Variants in ARHGAP24 observed in about 807,000 individuals in gnomAD.
ARHGAP24 encodes Rho GTPase activating protein 24.
A neutral mutation model predicts 76.4 loss-of-function variants in ARHGAP24; 50 were observed. That is an observed-to-expected ratio of 0.65 (90% CI 0.52 to 0.83). The LOEUF (loss-of-function observed/expected upper bound fraction) is 0.83, where lower values mean the gene tolerates loss of function less well. Among genes scored for constraint, ARHGAP24 ranks in the 40% least tolerant of loss-of-function variants. The pLI is 0.00. For missense variants in ARHGAP24, 930 were observed against 914.2 expected (o/e 1.02, Z -0.22); for synonymous variants, 345 against 323.3 (o/e 1.07, Z -0.72).
At chr4:85,667,018 C>G (rs1405721173) in intron 2 of ARHGAP24, among the ~76,000 whole-genome samples, 8 of 152,154 alleles carry the variant, frequency 5.3e-5, no homozygotes, top group Admixed American at 2.0e-4. Context: ...AACCACTGCT[C>G]TCTTCAAAGC....
intron 3 of ARHGAP24, among the ~76,000 whole-genome samples, chr4:85,775,528 G>A (rs1022247219): frequency 7.2e-5 from 11 of 152,168 alleles, no homozygotes; most frequent in Non-Finnish European, 1.6e-4. Context: ...AAAACCATCA[G>A]ATCTCGTGAG....
At chr4:85,852,575 A>G (rs1731300323) in intron 3 of ARHGAP24, among the ~76,000 whole-genome samples, 1 of 152,166 alleles carries the variant, frequency 6.6e-6, no homozygotes, top group Non-Finnish European at 1.5e-5. Flanking sequence ...GTTTCTCCCC[A>G]TCTTTGTTGT....
intron 3 of ARHGAP24, among the ~76,000 whole-genome samples, chr4:85,889,526 A>C (rs973862945): frequency 2.6e-5 from 4 of 152,232 alleles, no homozygotes; most frequent in African/African-American, 9.6e-5. Flanking sequence ...TCTGTAGTCT[A>C]TGAGGCTTAG....
intron 2 of ARHGAP24, among the ~76,000 whole-genome samples, chr4:85,587,969 T>C (rs917099683): frequency 1.3e-5 from 2 of 152,112 alleles, no homozygotes; most frequent in Non-Finnish European, 2.9e-5. Context: ...AGGGCCTATT[T>C]AGACAGAAAG....
intron 3 of ARHGAP24, among the ~76,000 whole-genome samples, chr4:85,908,038 G>C (rs556966764): frequency 6.6e-6 from 1 of 152,254 alleles, no homozygotes; most frequent in South Asian, 2.1e-4. Context: ...ACTTGAAAAA[G>C]CTACACTGCA....
At chr4:85,643,057 T>A (rs76994153) in intron 2 of ARHGAP24, among the ~76,000 whole-genome samples, 3,662 of 143,548 alleles carry the variant, frequency 0.026, 145 homozygotes, top group African/African-American at 0.09. Flanking sequence ...GCCTTTCCTC[T>A]AGGTGACTCC....
At chr4:85,990,065 A>G (rs1270565150) in intron 8 of ARHGAP24, 1 of 151,824 alleles carries the variant, frequency 6.6e-6, no homozygotes, top group Non-Finnish European at 1.5e-5. Context: ...ATCGACAAAT[A>G]AAACTAATAT....
intron 3 of ARHGAP24, among the ~76,000 whole-genome samples, chr4:85,907,096 C>CTATGAAATAAGGACTCAGCCTTT (rs1265722021): frequency 6.6e-6 from 1 of 152,140 alleles, no homozygotes; most frequent in Admixed American, 6.5e-5. Flanking sequence ...AGACATCTAG[C>CTATGAAATAAGGACTCAGCCTTT]TATGAAATAA....
chr4:85,480,732 T>C (rs1722782542), intron 1 of ARHGAP24, among the ~76,000 whole-genome samples: 1 of 152,164 alleles, frequency 6.6e-6, no homozygotes, highest in South Asian at 2.1e-4. Context: ...ATGCTACATT[T>C]TTTAAAAAAT....
intron 3 of ARHGAP24, among the ~76,000 whole-genome samples, chr4:85,838,521 C>T (rs936361462): frequency 1.3e-5 from 2 of 152,170 alleles, no homozygotes; most frequent in Non-Finnish European, 1.5e-5. Flanking sequence ...ATGGTGTGAA[C>T]CCAGGAGGCG....
chr4:85,483,716 G>T (rs565889016), intron 1 of ARHGAP24, among the ~76,000 whole-genome samples: 1 of 152,224 alleles, frequency 6.6e-6, no homozygotes, highest in African/African-American at 2.4e-5. Flanking sequence ...TTCATACACT[G>T]GGTAGAAATG....
At chr4:85,840,585 G>T (rs1730545869) in intron 3 of ARHGAP24, among the ~76,000 whole-genome samples, 1 of 152,138 alleles carries the variant, frequency 6.6e-6, no homozygotes, top group African/African-American at 2.4e-5. Context: ...CCAGGGTTTT[G>T]CTTAGTTAGC....
Position 85,901,541 on chromosome 4 carries a change from G to C in ARHGAP24, c.269-22107G>C, listed in dbSNP as rs181481338. ...AAATATGACAACATATTGAAAACTTGAGTAGGATCAATAACATATGTTAGG... is the reference window on the plus strand; with the variant it reads ...AAATATGACAACATATTGAAAACTTCAGTAGGATCAATAACATATGTTAGG... On this transcript the variant is annotated intron_variant, in intron 3 of 9. Transcript: ENST00000395184. Among the ~76,000 whole-genome samples, 20 of 152,242 alleles carry C rather than the reference G, an allele frequency of 1.3e-4. No individual in the cohort carries two copies. In the East Asian group the frequency reaches 3.1e-3, roughly 24 times the overall value.
chr4:85,624,123 G>C (rs1249584838), intron 2 of ARHGAP24, among the ~76,000 whole-genome samples: 1 of 152,150 alleles, frequency 6.6e-6, no homozygotes, highest in Non-Finnish European at 1.5e-5. Flanking sequence ...CCAACACTAT[G>C]TTGAATAGGA....
intron 3 of ARHGAP24, among the ~76,000 whole-genome samples, chr4:85,828,628 A>G (rs917537293): frequency 6.6e-6 from 1 of 152,142 alleles, no homozygotes; most frequent in Non-Finnish European, 1.5e-5. Flanking sequence ...GCATATTTGA[A>G]TTTTGTAACC....
At chr4:85,708,606 A>G (rs942531386) in intron 2 of ARHGAP24, among the ~76,000 whole-genome samples, 1 of 152,190 alleles carries the variant, frequency 6.6e-6, no homozygotes, top group African/African-American at 2.4e-5. Context: ...TGATGAATGC[A>G]TATCTTACTC....
chr4:85,732,881 A>G (rs76763285), intron 3 of ARHGAP24, among the ~76,000 whole-genome samples: 1 of 144,688 alleles, frequency 6.9e-6, no homozygotes. Flanking sequence ...TTTTTTTTTT[A>G]GTATTTATTT....
At chr4:85,606,746 G>GT (rs1278075193) in intron 2 of ARHGAP24, among the ~76,000 whole-genome samples, 1 of 152,084 alleles carries the variant, frequency 6.6e-6, no homozygotes, top group East Asian at 1.9e-4. Context: ...ACAACTCAAA[G>GT]TCACTCTTCT....
At chr4:85,670,717 GT>G (rs1237600052) in intron 2 of ARHGAP24, among the ~76,000 whole-genome samples, 1 of 152,100 alleles carries the variant, frequency 6.6e-6, no homozygotes, top group African/African-American at 2.4e-5. Flanking sequence ...TTGTTGGAAA[GT>G]TTGCATTGCC....
Sources: allele counts gnomAD v4.1 joint callset (sites outside exome capture counted in the v4.1 genomes callset), GRCh38; gene constraint gnomAD v4.1.1; transcripts MANE v1.5; gene names NCBI Gene and HGNC (gene_info 2026-07-23, HGNC 2026-07-21).